ADGRV1: variants seen among roughly 807,000 people sequenced by gnomAD.
ADGRV1 encodes the protein adhesion G protein-coupled receptor V1, also known as G-protein coupled receptor 98.
ADGRV1 carries 359 observed loss-of-function variants against 596.2 expected under a neutral mutation model. The observed-to-expected ratio is 0.60, with a 90% confidence interval of 0.55 to 0.66. The LOEUF is 0.66. Ranked by LOEUF, ADGRV1 falls within the 30% of genes least tolerant of loss-of-function variation. The pLI, the probability that ADGRV1 is intolerant of heterozygous loss-of-function variation, is 0.00. For synonymous variants in ADGRV1, 2,681 were observed against 2,679.2 expected (o/e 1.00, Z -0.02); for missense variants, 7,274 against 7,575.6 (o/e 0.96, Z 1.48).
At chr5:90,902,671 A>T (rs1771956676) in intron 83 of ADGRV1, among the ~76,000 whole-genome samples, 1 of 152,174 alleles carries the variant, frequency 6.6e-6, no homozygotes, top group Non-Finnish European at 1.5e-5. Context: ...TAACATTTTG[A>T]TTCCAACGTA....
chr5:90,925,252 C>T (rs200306841), intron 83 of ADGRV1, among the ~76,000 whole-genome samples: 1 of 151,580 alleles, frequency 6.6e-6, no homozygotes, highest in Non-Finnish European at 1.5e-5. Flanking sequence ...ATTGATTCTT[C>T]CTACCCATGA....
chr5:90,870,761 C>T (rs1314921225), intron 83 of ADGRV1, among the ~76,000 whole-genome samples: 5 of 152,166 alleles, frequency 3.3e-5, no homozygotes. Context: ...GGAATCTGGG[C>T]CCTGGGGCTG....
intron 1 of ADGRV1, among the ~76,000 whole-genome samples, chr5:90,571,982 A>G (rs1433941048): frequency 1.3e-5 from 2 of 152,052 alleles, no homozygotes; most frequent in Non-Finnish European, 2.9e-5. Context: ...TAGTTTTCTC[A>G]TTATTTTTAT....
intron 85 of ADGRV1, among the ~76,000 whole-genome samples, chr5:91,068,264 G>C (rs546826094): frequency 6.6e-6 from 1 of 151,838 alleles, no homozygotes; most frequent in Non-Finnish European, 1.5e-5. Flanking sequence ...AGACCATCCT[G>C]GCTAACATGG....
intron 86 of ADGRV1, among the ~76,000 whole-genome samples, chr5:91,084,895 A>G (rs1789723850): frequency 6.6e-6 from 1 of 152,250 alleles, no homozygotes; most frequent in Non-Finnish European, 1.5e-5. Flanking sequence ...AATACTATGC[A>G]GACATAAAAA....
intron 53 of ADGRV1, among the ~76,000 whole-genome samples, chr5:90,752,416 C>A (rs1295272534): frequency 6.6e-6 from 1 of 151,978 alleles, no homozygotes; most frequent in African/African-American, 2.4e-5. Flanking sequence ...AGCCTAGTAC[C>A]CATCAGTTAT....
At chr5:90,559,661 G>T (rs918755025) in intron 1 of ADGRV1, among the ~76,000 whole-genome samples, 1 of 152,048 alleles carries the variant, frequency 6.6e-6, no homozygotes, top group South Asian at 2.1e-4. Flanking sequence ...TTTAAAATGT[G>T]TGTAATGTAT....
intron 82 of ADGRV1, among the ~76,000 whole-genome samples, chr5:90,862,918 T>C (rs1025007197): frequency 2.6e-5 from 4 of 152,316 alleles, no homozygotes; most frequent in Admixed American, 2.6e-4. Flanking sequence ...GAAAACAAAA[T>C]GTTAAATGAG....
chr5:90,745,493 C>T lies in ADGRV1; in HGVS notation c.10770-98C>T. On this transcript the variant is annotated intron_variant, in intron 51 of 89. Coordinates refer to ENST00000405460, the MANE Select transcript of ADGRV1 (RefSeq NM_032119.4). ...TTCGTTATGAAATGTTGTGATTCTT[C>T]CAAACCTTTAATATCAATTAATGTA... is the stretch of plus-strand genomic sequence containing the variant. 3.4e-6 allele frequency: 3 copies of T among 883,412 alleles called. No individual in the cohort carries two copies. In the South Asian group the frequency reaches 5.7e-5, roughly 17 times the overall value. The allele number at this position is 883,412 out of a possible 1,614,324, so 54.7% of individuals were successfully genotyped here.
rs549746388 is a variant in ADGRV1, at chr5:90,808,920, T to G, written c.14972+1183T>G. On this transcript the variant is annotated intron_variant, in intron 73 of 89. Transcript: ENST00000405460. ...GTATCAAAAACAACAAGAAGTAGTA[T>G]TATAGGGCTTACCCTAGGCCAGGCA... 1.7e-4 allele frequency among the ~76,000 whole-genome samples: 25 copies of G among 150,838 alleles called. No homozygotes were observed. In the East Asian group the frequency reaches 4.3e-3, roughly 26 times the overall value.
chr5:90,628,391 A>G (rs1277832496), intron 7 of ADGRV1, among the ~76,000 whole-genome samples, 171 bp from the exon 8 acceptor site: 1 of 152,180 alleles, frequency 6.6e-6, no homozygotes, highest in Non-Finnish European at 1.5e-5. Flanking sequence ...CAGCTTGGGC[A>G]ACAGAGTGTG....
At chr5:90,816,352 ATT>A (rs771288981) in intron 75 of ADGRV1, among the ~76,000 whole-genome samples, 4 of 150,804 alleles carry the variant, frequency 2.7e-5, no homozygotes, top group African/African-American at 9.7e-5. Flanking sequence ...AGAAAAATAT[ATT>A]TTTTTAATTT....
At chr5:90,585,066 G>C (rs542485507) in intron 1 of ADGRV1, among the ~76,000 whole-genome samples, 8 of 152,166 alleles carry the variant, frequency 5.3e-5, no homozygotes, top group Non-Finnish European at 1.0e-4. Context: ...TCCTGATGAT[G>C]ATATATTCAT....
At chr5:90,916,799 A>AT (rs1773417676) in intron 83 of ADGRV1, among the ~76,000 whole-genome samples, 1 of 112,774 alleles carries the variant, frequency 8.9e-6, no homozygotes, top group Non-Finnish European at 1.9e-5. Flanking sequence ...CGCCCGGCTA[A>AT]TTTTTTGTAT....
At position 90,582,748 on chromosome 5, in the gene ADGRV1, T is replaced by C. The variant is rs576477385; in HGVS notation, c.22+23831T>C. 2.2e-3 allele frequency among the ~76,000 whole-genome samples: 332 copies of C among 152,206 alleles called. 2 individuals carry two copies. The highest frequency in any genetic ancestry group is 7.8e-3 in the African/African-American group (324 of 41,546). ...CCCAGCTAATTAAAAAACAAAACAT[T>C]ATTGTAAGATATGGGGTCTTTCTGT... On this transcript the variant is annotated intron_variant, in intron 1 of 89. Transcript: ENST00000405460.
chr5:90,824,109 A>G (rs926047122), intron 76 of ADGRV1, among the ~76,000 whole-genome samples: 2 of 151,192 alleles, frequency 1.3e-5, no homozygotes, highest in Admixed American at 6.5e-5. Flanking sequence ...TTATATTACA[A>G]TAACATTTCT....
At chr5:91,118,698 G>GT (rs1368668350) in intron 87 of ADGRV1, among the ~76,000 whole-genome samples, 1 of 152,060 alleles carries the variant, frequency 6.6e-6, no homozygotes, top group Non-Finnish European at 1.5e-5. Context: ...TCTCATAGTT[G>GT]TAACACCTCT....
intron 28 of ADGRV1, among the ~76,000 whole-genome samples, chr5:90,684,829 G>A (rs1035632970): frequency 6.6e-6 from 1 of 152,152 alleles, no homozygotes; most frequent in Non-Finnish European, 1.5e-5. Flanking sequence ...TAACACAGTA[G>A]TTCAGTGACA....
chr5:90,607,135 G>A (rs257847), intron 1 of ADGRV1, among the ~76,000 whole-genome samples: 95,540 of 151,992 alleles, frequency 0.63, 31,071 homozygotes, highest in African/African-American at 0.79. Flanking sequence ...AGAGGAAACA[G>A]TTGCAACTCA....
Sources: allele counts gnomAD v4.1 joint callset (sites outside exome capture counted in the v4.1 genomes callset), GRCh38; gene constraint gnomAD v4.1.1; transcripts MANE v1.5; gene names NCBI Gene and HGNC (gene_info 2026-07-23, HGNC 2026-07-21).